The following DYNC2H1 variants were observed in gnomAD, a reference collection of about 807,000 sequenced individuals.
DYNC2H1 encodes dynein cytoplasmic 2 heavy chain 1.
In DYNC2H1, 410 loss-of-function variants were observed where a neutral mutation model predicts 570.0. The ratio of observed to expected loss-of-function variants is 0.72; its 90% CI spans 0.66 to 0.78. The LOEUF is 0.78. Among genes scored for constraint, DYNC2H1 ranks in the 30% least tolerant of loss-of-function variants. The pLI, the probability that DYNC2H1 is intolerant of heterozygous loss-of-function variation, is 0.00. For missense variants in DYNC2H1, 4,865 were observed against 5,046.4 expected, an observed-to-expected ratio of 0.96 and a Z score of 1.09; for synonymous variants, 1,688 against 1,677.6, an observed-to-expected ratio of 1.01 and a Z score of -0.15.
intron 70 of DYNC2H1, among the ~76,000 whole-genome samples, chr11:103,276,710 T>G (rs1208283487): frequency 6.6e-6 from 1 of 152,082 alleles, no homozygotes; most frequent in African/African-American, 2.4e-5. Flanking sequence ...ACAAAATGGA[T>G]TATGCTGTAT....
chr11:103,455,977 A>G (rs930735574), intron 86 of DYNC2H1, among the ~76,000 whole-genome samples: 11 of 152,252 alleles, frequency 7.2e-5, no homozygotes, highest in Middle Eastern at 3.4e-3. Flanking sequence ...CAGCTAATAA[A>G]CATTTATTGA....
At chr11:103,200,501 A>G (rs893046767) in intron 50 of DYNC2H1, among the ~76,000 whole-genome samples, 3 of 152,188 alleles carry the variant, frequency 2.0e-5, no homozygotes, top group African/African-American at 7.2e-5. Context: ...GTACCATTCT[A>G]TTATCTGTAG....
At chr11:103,383,563 T>TC (rs1253407409) in intron 83 of DYNC2H1, among the ~76,000 whole-genome samples, 1 of 151,794 alleles carries the variant, frequency 6.6e-6, no homozygotes, top group Non-Finnish European at 1.5e-5. Context: ...AAGCTCTGCC[T>TC]CCCGCGTTCA....
At chr11:103,179,274 C>A (rs771464256) in intron 39 of DYNC2H1, 41 bp downstream of exon 39, 1 of 1,554,526 alleles carries the variant, frequency 6.4e-7, no homozygotes, top group Admixed American at 1.7e-5. Context: ...TTAGAATATT[C>A]TTTTACTGTC....
intron 82 of DYNC2H1, among the ~76,000 whole-genome samples, chr11:103,335,191 A>G (rs1939050386): frequency 6.6e-6 from 1 of 150,642 alleles, no homozygotes; most frequent in Non-Finnish European, 1.5e-5. Context: ...TTGTTTCTGT[A>G]GGTCAGTGTT....
At chr11:103,258,810 T>C (rs966659727) in intron 69 of DYNC2H1, among the ~76,000 whole-genome samples, 4 of 152,226 alleles carry the variant, frequency 2.6e-5, no homozygotes, top group African/African-American at 9.6e-5. Flanking sequence ...TACAAAACTT[T>C]CTGCTGTTTA....
chr11:103,278,437 C>G (rs1166510502), intron 70 of DYNC2H1, among the ~76,000 whole-genome samples: 1 of 152,010 alleles, frequency 6.6e-6, no homozygotes, highest in Non-Finnish European at 1.5e-5. Flanking sequence ...ATTATTGTCC[C>G]CTGTTACAGA....
At chr11:103,419,562 C>G (rs926844397) in intron 84 of DYNC2H1, among the ~76,000 whole-genome samples, 17 of 150,196 alleles carry the variant, frequency 1.1e-4, no homozygotes, top group Non-Finnish European at 2.1e-4. Context: ...GGTGGCCTGA[C>G]TGGTTAAAAA....
intron 84 of DYNC2H1, among the ~76,000 whole-genome samples, chr11:103,423,685 CAT>C (rs1189097385): frequency 2.6e-5 from 4 of 151,670 alleles, no homozygotes; most frequent in Non-Finnish European, 5.9e-5. Context: ...AATTTCAAGA[CAT>C]ATACTTAACA....
intron 80 of DYNC2H1, among the ~76,000 whole-genome samples, chr11:103,317,175 A>G (rs560733972): frequency 2.0e-5 from 3 of 152,224 alleles, no homozygotes; most frequent in East Asian, 1.9e-4. Context: ...GGATTAGAGA[A>G]TAGAGTATGT....
chr11:103,284,451 A>C (rs1001894538), intron 73 of DYNC2H1, among the ~76,000 whole-genome samples: 1 of 152,204 alleles, frequency 6.6e-6, no homozygotes, highest in African/African-American at 2.4e-5. Flanking sequence ...ACAAACTTAC[A>C]TTGTAGAGAG....
At chr11:103,375,888 G>T (rs1941370489) in intron 83 of DYNC2H1, among the ~76,000 whole-genome samples, 1 of 152,146 alleles carries the variant, frequency 6.6e-6, no homozygotes, top group Non-Finnish European at 1.5e-5. Flanking sequence ...ATTGTGTTTT[G>T]AAATGTGAGG....
chr11:103,138,656 A>G (rs1190642880), intron 17 of DYNC2H1, among the ~76,000 whole-genome samples: 1 of 152,244 alleles, frequency 6.6e-6, no homozygotes, highest in East Asian at 1.9e-4. Context: ...TTCATCAAGG[A>G]TATTGGTCTG....
At chr11:103,167,014 T>TTAG (rs1861343641) in intron 31 of DYNC2H1, among the ~76,000 whole-genome samples, 1 of 109,350 alleles carries the variant, frequency 9.1e-6, no homozygotes, top group African/African-American at 3.3e-5. Flanking sequence ...TTTTTTTTGA[T>TTAG]TTTTCCTCTT....
chr11:103,211,794 C>G lies in DYNC2H1; in HGVS notation c.8545C>G (p.Pro2849Ala), dbSNP rs1042712550. ...KEEKKKNSVD[P>A]DFLKSFLLIH... is the part of the protein sequence containing the mutation. ...TATTTTCTATTTTTTTCTAGTTGATCCTGATTTTCTAAAATCATTTTTATT... is the reference window on the plus strand; with the variant it reads ...TATTTTCTATTTTTTTCTAGTTGATGCTGATTTTCTAAAATCATTTTTATT... Residue 2849 changes from proline to alanine, a missense_variant, in exon 54 of 89, where the codon CCT (proline) becomes GCT (alanine). Coordinates refer to ENST00000375735, the MANE Select transcript of DYNC2H1 (RefSeq NM_001377.3). 1 of 1,292,440 alleles carries G rather than the reference C, an allele frequency of 7.7e-7. No homozygotes were observed. The highest frequency in any genetic ancestry group is 2.8e-5 in the East Asian group (1 of 35,836). The allele number at this position is 1,292,440 out of a possible 1,614,324, so 80.1% of individuals were successfully genotyped here.
chr11:103,190,960 CTTT>C (rs10707668), intron 45 of DYNC2H1, among the ~76,000 whole-genome samples: 6 of 110,538 alleles, frequency 5.4e-5, no homozygotes, highest in Non-Finnish European at 1.1e-4. Context: ...GCTTTTTAGC[CTTT>C]TTTTTTTTTT....
At chr11:103,417,039 C>T (rs1477147808) in intron 84 of DYNC2H1, among the ~76,000 whole-genome samples, 1 of 152,192 alleles carries the variant, frequency 6.6e-6, no homozygotes, top group Non-Finnish European at 1.5e-5. Flanking sequence ...CTCATCATCA[C>T]TGGTCATTAA....
intron 59 of DYNC2H1, among the ~76,000 whole-genome samples, chr11:103,226,301 T>TG (rs34818676): frequency 0.6 from 90,999 of 151,938 alleles, 27,561 homozygotes; most frequent in Admixed American, 0.7. Flanking sequence ...CCAGTTCTCA[T>TG]GGGGAATGCA....
chr11:103,130,472 C>T (rs912806867), intron 13 of DYNC2H1, among the ~76,000 whole-genome samples: 3 of 152,086 alleles, frequency 2.0e-5, no homozygotes, highest in Non-Finnish European at 2.9e-5. Context: ...ATTAAAAGCA[C>T]TTTTTTTCTT....
Sources: gnomAD v4.1 joint callset for allele counts (sites outside exome capture counted in the v4.1 genomes callset) on GRCh38, gnomAD v4.1.1 for gene constraint, MANE v1.5 for transcripts, NCBI Gene and HGNC (gene_info 2026-07-23, HGNC 2026-07-21) for gene names.